The following CERS6 variants were observed in gnomAD, a reference collection of about 807,000 sequenced individuals.
CERS6 encodes the protein LAG1 homolog, ceramide synthase 6.
CERS6 carries 26 observed loss-of-function variants against 56.8 expected under a neutral mutation model. That is an observed-to-expected ratio of 0.46 (90% CI 0.34 to 0.63). The LOEUF (loss-of-function observed/expected upper bound fraction) is 0.63. Ranked by LOEUF, CERS6 falls within the 30% of genes least tolerant of loss-of-function variation. The pLI, the probability that CERS6 is intolerant of heterozygous loss-of-function variation, is 0.01. For missense variants in CERS6, 415 were observed against 467.5 expected, an observed-to-expected ratio of 0.89 and a Z score of 1.04; for synonymous variants, 164 against 173.3, an observed-to-expected ratio of 0.95 and a Z score of 0.42.
At chr2:168,567,851 A>G (rs1695910616) in intron 3 of CERS6, among the ~76,000 whole-genome samples, 2 of 152,230 alleles carry the variant, frequency 1.3e-5, no homozygotes. Flanking sequence ...TAGCCTAGCC[A>G]GGCACTCTTC....
At chr2:168,487,252 A>C (rs1243385450) in intron 1 of CERS6, among the ~76,000 whole-genome samples, 1 of 152,142 alleles carries the variant, frequency 6.6e-6, no homozygotes, top group African/African-American at 2.4e-5. Context: ...TATAGTTTTA[A>C]CTATAACTGC....
At chr2:168,646,435 T>TTGCA (rs1685205555) in intron 4 of CERS6, among the ~76,000 whole-genome samples, 1 of 152,238 alleles carries the variant, frequency 6.6e-6, no homozygotes, top group Non-Finnish European at 1.5e-5. Flanking sequence ...ATCCTGCATA[T>TTGCA]TAGACCTCTG....
chr2:168,508,240 G>A (rs1038546012), intron 1 of CERS6, among the ~76,000 whole-genome samples: 2 of 152,172 alleles, frequency 1.3e-5, no homozygotes, highest in African/African-American at 4.8e-5. Context: ...TAACTTTAGG[G>A]CACCTAGTGT....
At chr2:168,617,300 A>G (rs1162305755) in intron 3 of CERS6, among the ~76,000 whole-genome samples, 2 of 152,170 alleles carry the variant, frequency 1.3e-5, no homozygotes. Flanking sequence ...ACACACGGAC[A>G]TTCTGAGATC....
intron 3 of CERS6, among the ~76,000 whole-genome samples, chr2:168,603,370 A>C (rs909108053): frequency 6.6e-6 from 1 of 152,226 alleles, no homozygotes; most frequent in African/African-American, 2.4e-5. Context: ...TAGGCAACCC[A>C]GTGAATATTT....
At chr2:168,596,267 A>G in intron 3 of CERS6, among the ~76,000 whole-genome samples, 1 of 150,666 alleles carries the variant, frequency 6.6e-6, no homozygotes, top group East Asian at 2.0e-4. Context: ...TACCAAGTTT[A>G]TTGCTGATCA....
chr2:168,728,472 C>G (rs919885755), intron 8 of CERS6, among the ~76,000 whole-genome samples: 2 of 148,328 alleles, frequency 1.3e-5, no homozygotes, highest in Non-Finnish European at 1.5e-5. Flanking sequence ...TCACTGCAAC[C>G]TCTGCCTCCT....
At chr2:168,513,441 C>G (rs1455702820) in intron 1 of CERS6, among the ~76,000 whole-genome samples, 1 of 152,122 alleles carries the variant, frequency 6.6e-6, no homozygotes, top group Non-Finnish European at 1.5e-5. Context: ...TGACGTGTCT[C>G]AAACTTTTCT....
At position 168,595,410 on chromosome 2, in the gene CERS6, G is replaced by A. The variant is rs572367678; in HGVS notation, c.407+34088G>A. Among the ~76,000 whole-genome samples, 30 of 152,270 alleles carry A rather than the reference G, an allele frequency of 2.0e-4. 1 individual carries two copies. Among genetic ancestry groups the A allele is most frequent in the African/African-American group, 6.7e-4 (28 of 41,570 alleles). On this transcript the variant is annotated intron_variant, in intron 3 of 9. Coordinates refer to ENST00000305747, the MANE Select transcript of CERS6 (RefSeq NM_203463.3). ...TTTTGCTTGAGAGTTCTTGGACCAA[G>A]GTTAGATTGAATGTTGAGACACTTT...
intron 4 of CERS6, among the ~76,000 whole-genome samples, chr2:168,658,524 C>G (rs898247843): frequency 2.6e-5 from 4 of 152,240 alleles, no homozygotes; most frequent in Non-Finnish European, 5.9e-5. Context: ...GCATGGGAGT[C>G]TGCACCTAGC....
At chr2:168,765,566 A>G (rs775427504) in intron 8 of CERS6, 26 bp from the exon 9 acceptor site, 1 of 1,606,892 alleles carries the variant, frequency 6.2e-7, no homozygotes, top group Admixed American at 1.7e-5. Flanking sequence ...TGCCACATTC[A>G]CTAATCACCT....
At chr2:168,475,580 A>C (rs575525697) in intron 1 of CERS6, among the ~76,000 whole-genome samples, 203 of 152,320 alleles carry the variant, frequency 1.3e-3, no homozygotes, top group African/African-American at 4.8e-3. Context: ...CAATAAGGCT[A>C]GCAGTAATAG....
At chr2:168,656,899 C>G (rs990723636) in intron 4 of CERS6, among the ~76,000 whole-genome samples, 1 of 152,120 alleles carries the variant, frequency 6.6e-6, no homozygotes, top group Non-Finnish European at 1.5e-5. Context: ...TTCTCCACCT[C>G]CCCATCAGAT....
Position 168,703,119 on chromosome 2 carries a change from C to A in CERS6, c.609+8068C>A, listed in dbSNP as rs115126811. ...GTGTTTTAAATATTTTTAAAAATTT[C>A]TCAGTTCCAACAGTGGGTATGTTAA... is the stretch of plus-strand genomic sequence containing the variant. On this transcript the variant is annotated intron_variant, in intron 6 of 9. Coordinates refer to ENST00000305747, the MANE Select transcript of CERS6 (RefSeq NM_203463.3). Among the ~76,000 whole-genome samples the A allele has an allele frequency of 6.3e-3, 962 of 152,206 alleles. 12 individuals are homozygous for A. Among genetic ancestry groups the A allele is most frequent in the Middle Eastern group, 0.031 (9 of 294 alleles).
At chr2:168,667,220 T>G (rs1228228448) in intron 4 of CERS6, among the ~76,000 whole-genome samples, 1 of 152,240 alleles carries the variant, frequency 6.6e-6, no homozygotes, top group African/African-American at 2.4e-5. Context: ...TAGAAAACCT[T>G]TAAGCAGGAA....
At chr2:168,649,010 G>C (rs1357648454) in intron 4 of CERS6, among the ~76,000 whole-genome samples, 1 of 152,062 alleles carries the variant, frequency 6.6e-6, no homozygotes, top group African/African-American at 2.4e-5. Context: ...AGATTCATTT[G>C]GTCCAATGTT....
chr2:168,592,633 AGCT>A (rs2105404226), intron 3 of CERS6, among the ~76,000 whole-genome samples: 1 of 152,182 alleles, frequency 6.6e-6, no homozygotes, highest in South Asian at 2.1e-4. Flanking sequence ...GAACAGTGGA[AGCT>A]CACTGTGCCC....
chr2:168,766,004 TC>T (rs1325870894), intron 9 of CERS6, among the ~76,000 whole-genome samples: 1 of 152,210 alleles, frequency 6.6e-6, no homozygotes, highest in Non-Finnish European at 1.5e-5. Flanking sequence ...CTCTCCCTCT[TC>T]CTGTCAACCT....
chr2:168,732,894 T>C (rs1683586282), intron 8 of CERS6, among the ~76,000 whole-genome samples: 1 of 152,158 alleles, frequency 6.6e-6, no homozygotes, highest in Non-Finnish European at 1.5e-5. Flanking sequence ...TCAAATAAAG[T>C]GATGCTTGGT....
Sources: allele counts gnomAD v4.1 joint callset (sites outside exome capture counted in the v4.1 genomes callset), GRCh38; gene constraint gnomAD v4.1.1; transcripts MANE v1.5; gene names NCBI Gene and HGNC (gene_info 2026-07-23, HGNC 2026-07-21).